The following CCDC171 variants were observed in gnomAD, a reference collection of about 807,000 sequenced individuals.
The protein encoded by CCDC171 is coiled-coil domain containing 171.
Under a neutral mutation model 168.2 loss-of-function variants are expected in CCDC171, and 177 were observed. The observed-to-expected ratio is 1.05, with a 90% CI of 0.93 to 1.19. CCDC171 has a LOEUF of 1.19. CCDC171 is among the 50% of genes most tolerant of loss of function. CCDC171 has a pLI of 0.00. For synonymous variants in CCDC171, 687 were observed against 540.8 expected (o/e 1.27, Z -3.75); for missense variants, 1,991 against 1,539.0 (o/e 1.29, Z -4.91).
At chr9:15,760,840 C>G (rs1191444160) in intron 18 of CCDC171, among the ~76,000 whole-genome samples, 1 of 152,128 alleles carries the variant, frequency 6.6e-6, no homozygotes, top group Non-Finnish European at 1.5e-5. Context: ...AAATACTGGA[C>G]AGGTGGCAAC....
Position 15,642,064 on chromosome 9 carries a change from T to C in CCDC171, c.823-15063T>C, listed in dbSNP as rs143651928. ...TTGTGGTCCCAGCTACTCAGGAGGC[T>C]GAGGCAGGACAATTGCTTGAAACCA... On this transcript the variant is annotated intron_variant, in intron 7 of 25. Coordinates refer to ENST00000380701, the MANE Select transcript of CCDC171 (RefSeq NM_173550.4). Among the ~76,000 whole-genome samples the C allele has an allele frequency of 9.5e-3, 1,449 of 151,936 alleles. 30 individuals carry two copies. Among genetic ancestry groups the C allele is most frequent in the African/African-American group, 0.034 (1,417 of 41,378 alleles).
chr9:15,798,048 T>A (rs997483271), intron 21 of CCDC171, among the ~76,000 whole-genome samples: 1 of 152,182 alleles, frequency 6.6e-6, no homozygotes, highest in Non-Finnish European at 1.5e-5. Context: ...TGCTGTGCCT[T>A]TATAGGATGC....
At chr9:15,814,287 T>G (rs2059474300) in intron 21 of CCDC171, among the ~76,000 whole-genome samples, 1 of 152,198 alleles carries the variant, frequency 6.6e-6, no homozygotes, top group Non-Finnish European at 1.5e-5. Flanking sequence ...AACCATAATT[T>G]AATGACATGC....
intron 10 of CCDC171, among the ~76,000 whole-genome samples, chr9:15,694,054 T>G (rs550563954): frequency 6.6e-6 from 1 of 152,324 alleles, no homozygotes; most frequent in Admixed American, 6.5e-5. Context: ...TAGTCTCCAT[T>G]TTGCTTCAAT....
chr9:15,768,945 A>G (rs1464702397), intron 18 of CCDC171, among the ~76,000 whole-genome samples: 1 of 152,180 alleles, frequency 6.6e-6, no homozygotes, highest in East Asian at 1.9e-4. Context: ...AACACCCTTC[A>G]TGACCAGATT....
At chr9:16,077,847 A>T in the CCDC171 span, among the ~76,000 whole-genome samples, 1 of 152,202 alleles carries the variant, frequency 6.6e-6, no homozygotes. Flanking sequence ...TAAGAGGTTG[A>T]TGCCTAAGAA....
rs965799453 is a variant in CCDC171, at chr9:15,723,228, C to T, written c.1426-453C>T. Among the ~76,000 whole-genome samples, 5 of 152,186 alleles carry T rather than the reference C, an allele frequency of 3.3e-5. No individual in the cohort carries two copies. The South Asian group carries it at 8.3e-4, about 25-fold the overall frequency. The stretch of plus-strand genomic sequence containing the variant: ...CCCAGTAGGACTGCATGTGACCGAC[C>T]CTGAAGTTGTCATATGGAGTGAGAG... On this transcript the variant is annotated intron_variant, in intron 12 of 25. Coordinates refer to ENST00000380701, the MANE Select transcript of CCDC171 (RefSeq NM_173550.4).
the CCDC171 span, among the ~76,000 whole-genome samples, chr9:16,074,215 C>G: frequency 6.6e-6 from 1 of 152,202 alleles, no homozygotes; most frequent in Admixed American, 6.5e-5. Context: ...GGTTTCCACA[C>G]CCATCTACTA....
At chr9:15,585,287 A>G (rs1428113131) in intron 4 of CCDC171, among the ~76,000 whole-genome samples, 1 of 152,184 alleles carries the variant, frequency 6.6e-6, no homozygotes, top group Non-Finnish European at 1.5e-5. Flanking sequence ...AAAGACTTGT[A>G]AAAGAATTTC....
intron 24 of CCDC171, among the ~76,000 whole-genome samples, chr9:15,919,238 T>G: frequency 6.6e-6 from 1 of 151,590 alleles, no homozygotes; most frequent in African/African-American, 2.4e-5. Flanking sequence ...TTTCTTACTC[T>G]TACCTGCAAG....
At chr9:15,870,687 A>G (rs367915826) in intron 23 of CCDC171, among the ~76,000 whole-genome samples, 13 of 151,802 alleles carry the variant, frequency 8.6e-5, no homozygotes, top group African/African-American at 3.1e-4. Context: ...TGGAACATAG[A>G]GTCCAGAGGG....
chr9:15,574,591 A>G (rs925481879), intron 3 of CCDC171, among the ~76,000 whole-genome samples: 22 of 152,266 alleles, frequency 1.4e-4, no homozygotes, highest in African/African-American at 4.3e-4. Flanking sequence ...CTGGCCTTCA[A>G]TTATTTCTTT....
intron 4 of CCDC171, among the ~76,000 whole-genome samples, chr9:15,580,426 A>G (rs1183820019): frequency 2.6e-5 from 4 of 152,224 alleles, no homozygotes; most frequent in African/African-American, 9.6e-5. Context: ...CAGCAAAAGA[A>G]TAGTCAGCAG....
the CCDC171 span, among the ~76,000 whole-genome samples, chr9:16,086,311 ATTT>A: frequency 6.0e-4 from 85 of 141,404 alleles, no homozygotes; most frequent in African/African-American, 2.1e-3. Context: ...CCCCTTTATC[ATTT>A]TTTTTTTTTT....
At chr9:15,561,700 A>T (rs1029185900) in intron 1 of CCDC171, among the ~76,000 whole-genome samples, 51 of 152,140 alleles carry the variant, frequency 3.4e-4, no homozygotes, top group African/African-American at 4.8e-5. Context: ...ATCATAGTTC[A>T]TATTCAGCCA....
chr9:15,794,246 C>T (rs1208381232), intron 21 of CCDC171, among the ~76,000 whole-genome samples: 3 of 152,078 alleles, frequency 2.0e-5, no homozygotes, highest in African/African-American at 7.2e-5. Flanking sequence ...GGGCAGATCA[C>T]CTGAGGTCAG....
intron 7 of CCDC171, among the ~76,000 whole-genome samples, chr9:15,633,567 C>G (rs907905917): frequency 6.6e-6 from 1 of 152,210 alleles, no homozygotes; most frequent in African/African-American, 2.4e-5. Flanking sequence ...CACTTTTACA[C>G]TGTTGGTGGG....
chr9:15,702,852 C>T (rs922000890), intron 11 of CCDC171, among the ~76,000 whole-genome samples: 3 of 151,794 alleles, frequency 2.0e-5, no homozygotes, highest in African/African-American at 4.8e-5. Context: ...TCTTCTGCAG[C>T]TTCCTCACCT....
At chr9:15,908,228 C>T (rs966062360) in intron 24 of CCDC171, among the ~76,000 whole-genome samples, 4 of 152,120 alleles carry the variant, frequency 2.6e-5, no homozygotes, top group Non-Finnish European at 5.9e-5. Flanking sequence ...TGGCACTATT[C>T]ACGATAGCAA....
Sources: gnomAD v4.1 joint callset for allele counts (sites outside exome capture counted in the v4.1 genomes callset) on GRCh38, gnomAD v4.1.1 for gene constraint, MANE v1.5 for transcripts, NCBI Gene and HGNC (gene_info 2026-07-23, HGNC 2026-07-21) for gene names.